ADRA1A: variants seen among roughly 807,000 people sequenced by gnomAD.
ADRA1A encodes alpha-1A adrenergic receptor.
A neutral mutation model predicts 29.6 loss-of-function variants in ADRA1A; 31 were observed. That is an observed-to-expected ratio of 1.05 (90% CI 0.79 to 1.41). The LOEUF is 1.41. Among genes scored for constraint, ADRA1A ranks in the 40% most tolerant of loss-of-function variants. The pLI is 0.00. For synonymous variants in ADRA1A, 311 were observed against 254.3 expected, an observed-to-expected ratio of 1.22 and a Z score of -2.12; for missense variants, 619 against 601.1, an observed-to-expected ratio of 1.03 and a Z score of -0.31.
chr8:26,831,432 T>G lies in ADRA1A; in HGVS notation c.883+32655A>C, dbSNP rs1159523075. On this transcript the variant is annotated intron_variant, in intron 2 of 2. Transcript: ENST00000380573. The surrounding 1 kb of genome is among the most constrained non-coding windows in gnomAD (Gnocchi z 5.2). ...TGCTATGCCATGGCCAGTGCTCAAG[T>G]GGGCAGACTGATACTGAGCTCTGCT... Among the ~76,000 whole-genome samples the G allele has an allele frequency of 6.6e-6, 1 of 151,978 alleles. No homozygotes were observed. Among genetic ancestry groups the G allele is most frequent in the African/African-American group, 2.4e-5 (1 of 41,378 alleles).
chr8:26,864,225 C>T lies in ADRA1A; in HGVS notation c.745G>A (p.Ala249Thr). Residue 249 changes from alanine to threonine, a missense_variant, in exon 2 of 3, where the codon GCC becomes ACC. Transcript: ENST00000380573. The surrounding 1 kb of genome is among the most constrained non-coding windows in gnomAD (Gnocchi z 8.1). ...KNAPAGGSGM[A>T]SAKTKTHFSV... ...AAGTGCGTCTTGGTCTTGGCGCTGG[C>T]CATCCCGCTGCCTCCTGCCGGGGCG... 1 of 1,614,208 alleles carries T rather than the reference C, an allele frequency of 6.2e-7. No homozygotes were observed. Among genetic ancestry groups the T allele is most frequent in the Non-Finnish European group, 8.5e-7 (1 of 1,180,040 alleles).
Position 26,769,346 on chromosome 8 carries a change from C to A in ADRA1A, c.*803G>T. 1.0e-6 allele frequency: 1 copy of A among 985,368 alleles called. No individual in the cohort carries two copies. The highest frequency in any genetic ancestry group is 1.2e-6 in the Non-Finnish European group (1 of 829,888). The allele number at this position is 985,368 out of a possible 1,614,324, so 61.0% of individuals were successfully genotyped here. On this transcript the variant is annotated 3_prime_UTR_variant, in exon 3 of 3. Coordinates refer to ENST00000380573, the MANE Select transcript of ADRA1A (RefSeq NM_000680.4). ...GAGAGAAAGCCTATCATCATCTGATCTTGGAACTGTTTAATGGATTTTCTC... is the reference window on the plus strand; with the variant it reads ...GAGAGAAAGCCTATCATCATCTGATATTGGAACTGTTTAATGGATTTTCTC...
intron 2 of ADRA1A, among the ~76,000 whole-genome samples, chr8:26,810,333 T>C (rs1427922177): frequency 1.3e-5 from 2 of 152,210 alleles, no homozygotes; most frequent in Non-Finnish European, 2.9e-5. Context: ...TTTCCCTTGA[T>C]CCGTCCTAAG....
At chr8:26,820,930 C>G (rs1257887479) in intron 2 of ADRA1A, among the ~76,000 whole-genome samples, 2 of 151,980 alleles carry the variant, frequency 1.3e-5, no homozygotes, top group African/African-American at 4.8e-5. Context: ...CACTCTGTCG[C>G]CCAGGCTGGA....
intron 2 of ADRA1A, among the ~76,000 whole-genome samples, chr8:26,832,625 A>T (rs1394631266): frequency 2.6e-5 from 4 of 152,134 alleles, no homozygotes; most frequent in Non-Finnish European, 5.9e-5. Flanking sequence ...AAAAGAAAAG[A>T]AAATGAGAAA....
At chr8:26,829,479 A>G (rs1810817435) in intron 2 of ADRA1A, among the ~76,000 whole-genome samples, 1 of 152,202 alleles carries the variant, frequency 6.6e-6, no homozygotes, top group Non-Finnish European at 1.5e-5. Flanking sequence ...TGTCATTCTA[A>G]TAGAATTTTC....
chr8:26,753,177 A>G (rs1238028268), downstream of ADRA1A, among the ~76,000 whole-genome samples: 1 of 152,236 alleles, frequency 6.6e-6, no homozygotes, highest in Non-Finnish European at 1.5e-5. Context: ...CAAAGAACTC[A>G]TCATCAAAAC....
chr8:26,769,466 A>G lies in ADRA1A; in HGVS notation c.*683T>C. The G allele has an allele frequency of 1.0e-6, 1 of 985,378 alleles. No homozygotes were observed. Among genetic ancestry groups the G allele is most frequent in the Non-Finnish European group, 1.2e-6 (1 of 829,920 alleles). 61.0% of individuals were successfully genotyped at this position (985,378 alleles called of 1,614,324 possible). A position where few individuals can be genotyped will look rare whatever the true frequency, so the allele number is the denominator to read the frequency against. On this transcript the variant is annotated 3_prime_UTR_variant, in exon 3 of 3. Coordinates refer to ENST00000380573, the MANE Select transcript of ADRA1A (RefSeq NM_000680.4). The stretch of plus-strand genomic sequence containing the variant: ...GGTTGGTTCTTTCAACCCTCTCCTG[A>G]CCCAAGGATAGAGAACACTACATTC...
At chr8:26,763,747 C>T (rs1421304315), downstream of ADRA1A, among the ~76,000 whole-genome samples, 1 of 152,156 alleles carries the variant, frequency 6.6e-6, no homozygotes, top group Admixed American at 6.5e-5. This position sits in a 1 kb window ranked among gnomAD's most constrained non-coding sequence, Gnocchi z 4.5. Flanking sequence ...GAGCTCACTC[C>T]GGCCTGCAGC....
At chr8:26,777,970 A>G (rs1806675141) in intron 2 of ADRA1A, among the ~76,000 whole-genome samples, 1 of 152,234 alleles carries the variant, frequency 6.6e-6, no homozygotes, top group African/African-American at 2.4e-5. Flanking sequence ...GAAAGAGGTC[A>G]CTTGGGGAGA....
intron 2 of ADRA1A, among the ~76,000 whole-genome samples, chr8:26,842,433 G>A (rs1811884118): frequency 6.6e-6 from 1 of 152,194 alleles, no homozygotes; most frequent in South Asian, 2.1e-4. Context: ...CCTACTGCAT[G>A]CAAAGCTCAA....
chr8:26,864,636 CG>C lies in ADRA1A; in HGVS notation c.333del (p.Ala112ArgfsTer17). Reference protein sequence around the residue: ...IWAAVDVLCCTASIMGLCIIS... With the variant: ...IWAAVDVLCCXASIMGLCIIS... ...ATGATGCAGAGGCCCATGATGGACG[CG>C]GTGCAGCACAGCACATCCACTGCCG... On this transcript the variant is annotated frameshift_variant, in exon 2 of 3. Transcript: ENST00000380573. LOFTEE classifies it high-confidence loss of function. The surrounding 1 kb of genome is among the most constrained non-coding windows in gnomAD (Gnocchi z 8.1). 1 of 1,614,148 alleles carries C rather than the reference CG, an allele frequency of 6.2e-7. No individual in the cohort carries two copies. Among genetic ancestry groups the C allele is most frequent in the Non-Finnish European group, 8.5e-7 (1 of 1,180,046 alleles).
chr8:26,838,179 T>C (rs1028811443), intron 2 of ADRA1A, among the ~76,000 whole-genome samples: 4 of 152,256 alleles, frequency 2.6e-5, no homozygotes, highest in Non-Finnish European at 5.9e-5. Context: ...GTGGTTACTT[T>C]CTTTAGTTTA....
At chr8:26,790,996 A>G (rs1563255552) in intron 2 of ADRA1A, among the ~76,000 whole-genome samples, 1 of 152,184 alleles carries the variant, frequency 6.6e-6, no homozygotes, top group Non-Finnish European at 1.5e-5. Flanking sequence ...GTACACACAC[A>G]TACACACACT....
chr8:26,849,678 A>G (rs899266997), intron 2 of ADRA1A, among the ~76,000 whole-genome samples: 2 of 152,178 alleles, frequency 1.3e-5, no homozygotes, highest in East Asian at 3.9e-4. Flanking sequence ...GTCACCCTCT[A>G]TGAGGTTGAA....
chr8:26,779,208 C>A (rs1017267803), intron 2 of ADRA1A: 1 of 662,262 alleles, frequency 1.5e-6, no homozygotes, highest in Non-Finnish European at 2.7e-6. Flanking sequence ...GGAGCAGGAA[C>A]CCAATTAACA....
intron 2 of ADRA1A, among the ~76,000 whole-genome samples, chr8:26,828,338 T>G (rs528713207): frequency 6.6e-6 from 1 of 152,212 alleles, no homozygotes; most frequent in Non-Finnish European, 1.5e-5. Context: ...TACCTCCTAC[T>G]CATCCATGGT....
intron 2 of ADRA1A, among the ~76,000 whole-genome samples, chr8:26,863,434 TA>T (rs1313010407): frequency 6.6e-6 from 1 of 152,124 alleles, no homozygotes; most frequent in African/African-American, 2.4e-5. Flanking sequence ...ATTATTAAAA[TA>T]AAAAAATAAG....
In ADRA1A at chr8:26,770,000, C is replaced by T. The variant is rs2130268528; in HGVS notation, c.*149G>A. 1 of 1,446,198 alleles carries T rather than the reference C, an allele frequency of 6.9e-7. No homozygotes were observed. The highest frequency in any genetic ancestry group is 1.8e-5 in the South Asian group (1 of 56,818). 89.6% of individuals were successfully genotyped at this position (1,446,198 alleles called of 1,614,324 possible). A position where few individuals can be genotyped will look rare whatever the true frequency, so the allele number is the denominator to read the frequency against. On this transcript the variant is annotated 3_prime_UTR_variant, in exon 3 of 3. Transcript: ENST00000380573. ...CTCTTCCCTGTGCCCTACCCGCTGC[C>T]TGATGAGTTGGGTCTACCACCCACC...
Sources: gnomAD v4.1 joint callset for allele counts (sites outside exome capture counted in the v4.1 genomes callset) on GRCh38, gnomAD v4.1.1 for gene constraint, Gnocchi (gnomAD v3.1) non-coding constraint, MANE v1.5 for transcripts, NCBI Gene and HGNC (gene_info 2026-07-23, HGNC 2026-07-21) for gene names.